The following MAN1A2 variants were observed in gnomAD, a reference collection of about 807,000 sequenced individuals.
MAN1A2 encodes the protein mannosidase alpha class 1A member 2.
A neutral mutation model predicts 75.7 loss-of-function variants in MAN1A2; 26 were observed. That is an observed-to-expected ratio of 0.34 (90% confidence interval 0.25 to 0.48). The LOEUF (loss-of-function observed/expected upper bound fraction) is 0.48, where lower values mean the gene tolerates loss of function less well. MAN1A2 is among the 20% of genes least tolerant of loss of function. The probability of loss-of-function intolerance (pLI) is 0.99; values close to 1 mark genes in which losing one functional copy is unlikely to be tolerated. For synonymous variants in MAN1A2, 247 were observed against 264.6 expected (o/e 0.93, Z 0.65); for missense variants, 562 against 775.5 (o/e 0.72, Z 3.27).
At chr1:117,378,403 C>G (rs1476077263) in intron 1 of MAN1A2, among the ~76,000 whole-genome samples, 1 of 152,064 alleles carries the variant, frequency 6.6e-6, no homozygotes, top group Non-Finnish European at 1.5e-5. Flanking sequence ...TTCATGTTAT[C>G]TTTACAATTT....
chr1:117,506,301 C>T (rs1318957963), intron 12 of MAN1A2, among the ~76,000 whole-genome samples: 4 of 151,482 alleles, frequency 2.6e-5, no homozygotes, highest in African/African-American at 9.7e-5. Context: ...ATTGTCACGG[C>T]AGTGGCAAAG....
In MAN1A2 at chr1:117,368,214, G is replaced by C; in HGVS notation, c.31G>C (p.Gly11Arg). 6.2e-7 allele frequency: 1 copy of C among 1,613,824 alleles called. No homozygotes were observed. The highest frequency in any genetic ancestry group is 8.5e-7 in the Non-Finnish European group (1 of 1,179,942). Residue 11 changes from glycine to arginine, a missense_variant, in exon 1 of 13, where the codon GGA becomes CGA. Gly to Arg is a moderately radical substitution (Grantham distance 125). Coordinates refer to ENST00000356554, the MANE Select transcript of MAN1A2 (RefSeq NM_006699.5). MTTPALLPLS[G>R]RRIPPLNLGP... ...TACCCCAGCCCTGCTGCCCCTCTCT[G>C]GACGTAGGATACCACCTCTGAACCT... is the stretch of plus-strand genomic sequence containing the variant.
In MAN1A2 at chr1:117,367,828, A is replaced by G. The variant is rs965881935; in HGVS notation, c.-356A>G. On this transcript the variant is annotated 5_prime_UTR_variant, in exon 1 of 13. Transcript: ENST00000356554. ...CTTTCGGGGCGGAAGACTACGTTTG[A>G]GCATCTCACTGAGGTGCAGGAATGG... 3 of 203,006 alleles carry G rather than the reference A, an allele frequency of 1.5e-5. No individual in the cohort carries two copies. The Admixed American group carries it at 1.6e-4, about 11-fold the overall frequency. The allele number at this position is 203,006 out of a possible 1,614,324, so 12.6% of individuals were successfully genotyped here.
chr1:117,414,846 GA>G lies in MAN1A2; in HGVS notation c.774+16del. 7.2e-7 allele frequency: 1 copy of G among 1,390,676 alleles called. No individual in the cohort carries two copies. Among genetic ancestry groups the G allele is most frequent in the Non-Finnish European group, 1.0e-6 (1 of 977,600 alleles). 86.1% of individuals were successfully genotyped at this position (1,390,676 alleles called of 1,614,324 possible). On this transcript the variant is annotated intron_variant, in intron 4 of 12. Transcript: ENST00000356554. ...ATTTCAGTGTGGTGAGTGTATGATT[GA>G]TAACTAATCTCTTAGATTAACCATG...
intron 5 of MAN1A2, among the ~76,000 whole-genome samples, chr1:117,425,515 G>T (rs1648335751): frequency 6.6e-6 from 1 of 152,148 alleles, no homozygotes; most frequent in South Asian, 2.1e-4. Context: ...ACCAAGTGGG[G>T]TTTCTTCCCA....
intron 11 of MAN1A2, 34 bp downstream of exon 11, chr1:117,499,588 AGTGT>A: frequency 6.4e-7 from 1 of 1,554,504 alleles, no homozygotes. Context: ...TATCTGCAAG[AGTGT>A]TAACTCATGC....
chr1:117,491,397 T>C (rs544287899), intron 8 of MAN1A2, among the ~76,000 whole-genome samples: 3 of 152,154 alleles, frequency 2.0e-5, no homozygotes, highest in Admixed American at 1.3e-4. Context: ...CAAAGTTCAG[T>C]TGAGAGCACA....
intron 12 of MAN1A2, among the ~76,000 whole-genome samples, chr1:117,517,745 A>G (rs1266105560): frequency 6.6e-6 from 1 of 152,042 alleles, no homozygotes; most frequent in African/African-American, 2.4e-5. Flanking sequence ...TTGAAGAAAT[A>G]ATGGCAAAAA....
chr1:117,520,306 T>C (rs1158856458), intron 12 of MAN1A2, among the ~76,000 whole-genome samples: 1 of 151,966 alleles, frequency 6.6e-6, no homozygotes, highest in Non-Finnish European at 1.5e-5. Flanking sequence ...CAACTAGCAC[T>C]GGAAGTCCTA....
At chr1:117,460,160 A>G (rs997070372) in intron 6 of MAN1A2, among the ~76,000 whole-genome samples, 1 of 152,156 alleles carries the variant, frequency 6.6e-6, no homozygotes, top group Admixed American at 6.6e-5. Flanking sequence ...GACAATGAGC[A>G]TATATATTTG....
At chr1:117,504,345 CTG>C (rs1651287233) in intron 12 of MAN1A2, among the ~76,000 whole-genome samples, 1 of 147,548 alleles carries the variant, frequency 6.8e-6, no homozygotes, top group Non-Finnish European at 1.5e-5. Context: ...TTCAGAAAAA[CTG>C]TAAGATAGGA....
intron 6 of MAN1A2, among the ~76,000 whole-genome samples, chr1:117,445,889 T>C (rs1649216549): frequency 6.9e-6 from 1 of 143,994 alleles, no homozygotes; most frequent in Admixed American, 7.0e-5. Flanking sequence ...TGTGTGTATA[T>C]ATATATATAT....
At chr1:117,415,806 G>A (rs767436400) in intron 4 of MAN1A2, among the ~76,000 whole-genome samples, 2 of 151,940 alleles carry the variant, frequency 1.3e-5, no homozygotes, top group Middle Eastern at 3.2e-3. Flanking sequence ...GATATGAAAT[G>A]GTTCCTAAAG....
At chr1:117,389,185 G>A (rs962739514) in intron 1 of MAN1A2, among the ~76,000 whole-genome samples, 25 of 152,282 alleles carry the variant, frequency 1.6e-4, no homozygotes, top group African/African-American at 5.5e-4. Context: ...GTTACTATGT[G>A]CATGATAGTT....
At chr1:117,481,140 T>G (rs1650483308) in intron 8 of MAN1A2, among the ~76,000 whole-genome samples, 1 of 151,882 alleles carries the variant, frequency 6.6e-6, no homozygotes, top group African/African-American at 2.4e-5. Context: ...GATCCTATCT[T>G]CTCTCAACTC....
chr1:117,415,899 CT>C (rs1449609922), intron 4 of MAN1A2, among the ~76,000 whole-genome samples: 1 of 151,972 alleles, frequency 6.6e-6, no homozygotes, highest in Admixed American at 6.6e-5. Context: ...CCCATTTTTG[CT>C]TTTAGAGTTT....
At chr1:117,373,584 C>T (rs1011658746) in intron 1 of MAN1A2, among the ~76,000 whole-genome samples, 1 of 149,114 alleles carries the variant, frequency 6.7e-6, no homozygotes, top group Middle Eastern at 3.4e-3. Context: ...CTGAAGTGAT[C>T]CTCCTGTCTT....
intron 12 of MAN1A2, among the ~76,000 whole-genome samples, chr1:117,522,241 A>C: frequency 6.6e-6 from 1 of 152,010 alleles, no homozygotes; most frequent in African/African-American, 2.4e-5. Context: ...CATAGATAGA[A>C]CTAAACAAGA....
chr1:117,440,410 T>C (rs1386378745), intron 5 of MAN1A2, among the ~76,000 whole-genome samples: 1 of 152,180 alleles, frequency 6.6e-6, no homozygotes, highest in Non-Finnish European at 1.5e-5. Flanking sequence ...TTTGATACTT[T>C]TTGGATTTTG....
Sources: gnomAD v4.1 joint callset for allele counts (sites outside exome capture counted in the v4.1 genomes callset) on GRCh38, gnomAD v4.1.1 for gene constraint, MANE v1.5 for transcripts, NCBI Gene and HGNC (gene_info 2026-07-23, HGNC 2026-07-21) for gene names.